RNF213: variants seen among roughly 807,000 people sequenced by gnomAD.
RNF213 encodes E3 ubiquitin-protein ligase RNF213.
RNF213 carries 341 observed loss-of-function variants against 514.4 expected under a neutral mutation model. The observed-to-expected ratio is 0.66, with a 90% confidence interval of 0.61 to 0.73. The LOEUF (loss-of-function observed/expected upper bound fraction) is 0.73, where lower values mean the gene tolerates loss of function less well. Among genes scored for constraint, RNF213 ranks in the 30% least tolerant of loss-of-function variants. The probability of loss-of-function intolerance (pLI) is 0.00; values close to 1 mark genes in which losing one functional copy is unlikely to be tolerated. For missense variants in RNF213, 5,767 were observed against 6,615.6 expected, an observed-to-expected ratio of 0.87 and a Z score of 4.45; for synonymous variants, 2,655 against 2,658.2, an observed-to-expected ratio of 1.00 and a Z score of 0.04.
chr17:80,297,769 AGAGT>A (rs1400172817), intron 10 of RNF213, among the ~76,000 whole-genome samples: 1 of 144,106 alleles, frequency 6.9e-6, no homozygotes, highest in Non-Finnish European at 1.5e-5. Flanking sequence ...CCTGGGCAAC[AGAGT>A]GAGACTCCGT....
At chr17:80,330,209 C>T (rs2046375913) in intron 20 of RNF213, among the ~76,000 whole-genome samples, 2 of 152,192 alleles carry the variant, frequency 1.3e-5, no homozygotes, top group Admixed American at 6.5e-5. Context: ...GGGTTATTCA[C>T]CGTTTTGTTT....
rs755246125 is a variant in RNF213 at position 80,343,881 on chromosome 17, C to G, written c.6208C>G (p.Leu2070Val). Residue 2070 changes from leucine (L) to valine (V), a missense_variant, in exon 28 of 68, where the codon CTT (leucine) becomes GTT (valine). By Grantham distance (32) the Leu-to-Val change is conservative (BLOSUM62 1). Transcript: ENST00000582970. The surrounding 1 kb of genome is among the most constrained non-coding windows in gnomAD (Gnocchi z 4.3). The stretch of plus-strand genomic sequence containing the variant: ...GGTGCAGACTGGAATTTGGGTGTTT[C>G]TTTTCAAGCTCCTCATTTTACAATA... ...SSVQTGIWVF[L>V]FKLLILQYLM... is the part of the protein sequence containing the mutation. 69 of 1,614,130 alleles carry G rather than the reference C, an allele frequency of 4.3e-5. No individual in the cohort carries two copies. Among genetic ancestry groups the G allele is most frequent in the Non-Finnish European group, 5.7e-5 (67 of 1,180,002 alleles).
chr17:80,283,544 C>A (rs372981115), intron 3 of RNF213, among the ~76,000 whole-genome samples: 185 of 152,356 alleles, frequency 1.2e-3, no homozygotes, highest in African/African-American at 4.3e-3. Context: ...CTCCAGCCTC[C>A]CCGGGCTCTG....
At position 80,289,849 on chromosome 17, in the gene RNF213, C is replaced by T. The variant is rs778304542; in HGVS notation, c.1112+12C>T. 5.6e-6 allele frequency: 9 copies of T among 1,603,106 alleles called. No individual in the cohort carries two copies. Among genetic ancestry groups the T allele is most frequent in the Non-Finnish European group, 7.7e-6 (9 of 1,175,226 alleles). On this transcript the variant is annotated intron_variant, in intron 6 of 67. Coordinates refer to ENST00000582970, the MANE Select transcript of RNF213 (RefSeq NM_001256071.3). ...GAAGTGAAGGCAAGGTAGGGATGCC[C>T]CCGCAGGGGAGCAAAGGAGACCCTG...
intron 58 of RNF213, 45 bp from the exon 59 acceptor site, chr17:80,383,632 C>G: frequency 6.2e-7 from 1 of 1,608,476 alleles, no homozygotes; most frequent in South Asian, 1.1e-5. Context: ...CTGTTTGTAG[C>G]AATACCTCAC....
intron 24 of RNF213, 27 bp from the exon 25 acceptor site, chr17:80,337,806 G>C (rs1042579742): frequency 6.5e-7 from 1 of 1,536,318 alleles, no homozygotes; most frequent in African/African-American, 1.4e-5. Context: ...CCCCAAGAAA[G>C]TGACTTCTAA....
At chr17:80,386,949 C>A in intron 63 of RNF213, 58 bp downstream of exon 63, 1 of 1,508,202 alleles carries the variant, frequency 6.6e-7, no homozygotes, top group Non-Finnish European at 9.0e-7. Flanking sequence ...AACAAGCAGC[C>A]CTTGGTGTGT....
At chr17:80,269,335 G>A (rs2043721374) in intron 2 of RNF213, among the ~76,000 whole-genome samples, 2 of 152,100 alleles carry the variant, frequency 1.3e-5, no homozygotes, top group South Asian at 2.1e-4. Context: ...CCATCACACC[G>A]TCTATCCATC....
At chr17:80,354,654 C>A in intron 36 of RNF213, 78 bp downstream of exon 36, 1 of 1,543,030 alleles carries the variant, frequency 6.5e-7, no homozygotes, top group Non-Finnish European at 8.9e-7. Context: ...ATCCTCTCTC[C>A]ATCCGGGCCA....
intron 11 of RNF213, among the ~76,000 whole-genome samples, chr17:80,299,132 G>A (rs958601858): frequency 6.6e-6 from 1 of 152,178 alleles, no homozygotes; most frequent in African/African-American, 2.4e-5. Flanking sequence ...CAAATGATGT[G>A]TTATTTATTC....
intron 36 of RNF213, among the ~76,000 whole-genome samples, chr17:80,355,441 TCGGGGCTCACGGAGGAAGAGGGGTGACC>T (rs2078725330): frequency 4.3e-4 from 22 of 51,328 alleles, no homozygotes; most frequent in African/African-American, 1.1e-3. Flanking sequence ...TGGATGGGAA[TCGGGGCTCACGGAGGAAGAGGGGTGACC>T]GGGAATGGGG....
Position 80,368,033 on chromosome 17 carries a change from G to A in RNF213, c.12045G>A (p.Val4015=), listed in dbSNP as rs751742658. ...KDPVCLPCDH[V]HCLRCLRAWF... Reference sequence around the variant, plus strand: ...CCGTCTGTCTGCCCTGCGACCACGTGCACTGCCTGCGCTGCCTCAGGGCCT... The same window carrying A: ...CCGTCTGTCTGCCCTGCGACCACGTACACTGCCTGCGCTGCCTCAGGGCCT... Residue 4015 remains valine (V), a synonymous_variant, in exon 44 of 68, where the codon GTG becomes GTA. Transcript: ENST00000582970. 6.2e-7 allele frequency: 1 copy of A among 1,614,256 alleles called. No individual in the cohort carries two copies. Among genetic ancestry groups the A allele is most frequent in the Non-Finnish European group, 8.5e-7 (1 of 1,180,044 alleles).
intron 3 of RNF213, among the ~76,000 whole-genome samples, chr17:80,281,755 A>G (rs2044310687): frequency 6.6e-6 from 1 of 151,968 alleles, no homozygotes; most frequent in Non-Finnish European, 1.5e-5. Flanking sequence ...GGTCGGTTCC[A>G]GGACCGCGGA....
rs749366825 is a variant in RNF213 at position 80,386,139 on chromosome 17, G to A, written c.14540-111G>A. The stretch of plus-strand genomic sequence containing the variant: ...ATGAGATGGGGCAGAACCGAGACCC[G>A]GCTCCCGGCTGTGTGTGGAGCTGAT... On this transcript the variant is annotated intron_variant, in intron 61 of 67. Coordinates refer to ENST00000582970, the MANE Select transcript of RNF213 (RefSeq NM_001256071.3). 69 of 1,050,980 alleles carry A rather than the reference G, an allele frequency of 6.6e-5. No individual in the cohort carries two copies. In the Middle Eastern group the frequency reaches 1.8e-3, roughly 27 times the overall value. The allele number at this position is 1,050,980 out of a possible 1,614,324, so 65.1% of individuals were successfully genotyped here. A position where few individuals can be genotyped will look rare whatever the true frequency, so the allele number is the denominator to read the frequency against.
At position 80,337,832 on chromosome 17, in the gene RNF213, G is replaced by A; in HGVS notation, c.4669-1G>A. 2.0e-6 allele frequency: 3 copies of A among 1,536,976 alleles called. No homozygotes were observed. The highest frequency in any genetic ancestry group is 2.6e-6 in the Non-Finnish European group (3 of 1,146,662). On this transcript the variant is annotated splice_acceptor_variant, in intron 24 of 67. Transcript: ENST00000582970. LOFTEE classifies it high-confidence loss of function. The stretch of plus-strand genomic sequence containing the variant: ...TGACTTCTAACCTATGCTCTTCACA[G>A]ATTTCCCCAGACACGGTTCTGCACT...
At chr17:80,385,958 G>A (rs1285214332) in intron 61 of RNF213, among the ~76,000 whole-genome samples, 2 of 152,154 alleles carry the variant, frequency 1.3e-5, no homozygotes, top group Admixed American at 6.5e-5. Context: ...GAGCCACTGC[G>A]CCCAGCCAGC....
chr17:80,382,100 C>T lies in RNF213; in HGVS notation c.13978+373C>T, dbSNP rs139039955. 4.1e-3 allele frequency: 1,254 copies of T among 302,178 alleles called. 21 individuals carry two copies. Among genetic ancestry groups the T allele is most frequent in the Admixed American group, 0.02 (438 of 22,132 alleles). The allele number at this position is 302,178 out of a possible 1,614,324, so 18.7% of individuals were successfully genotyped here. On this transcript the variant is annotated intron_variant, in intron 57 of 67. Coordinates refer to ENST00000582970, the MANE Select transcript of RNF213 (RefSeq NM_001256071.3). ...CCCCTACCATGCTGGGAGCACGTGT[C>T]GTCCACACAGAGCGTGCGTGTCAAA... is the stretch of plus-strand genomic sequence containing the variant.
At chr17:80,274,788 GA>G (rs1567997953) in intron 3 of RNF213, among the ~76,000 whole-genome samples, 1 of 13,372 alleles carries the variant, frequency 7.5e-5, no homozygotes, top group East Asian at 6.6e-3. Flanking sequence ...GTCTGTGGGG[GA>G]TGAGTGGGGT....
At chr17:80,269,289 A>C (rs1031657120) in intron 2 of RNF213, among the ~76,000 whole-genome samples, 3 of 152,146 alleles carry the variant, frequency 2.0e-5, no homozygotes, top group African/African-American at 7.2e-5. Flanking sequence ...CTACCTAGGC[A>C]TCCTTCAACC....
Sources: gnomAD v4.1 joint callset for allele counts (sites outside exome capture counted in the v4.1 genomes callset) on GRCh38, gnomAD v4.1.1 for gene constraint, Gnocchi (gnomAD v3.1) non-coding constraint, MANE v1.5 for transcripts, NCBI Gene and HGNC (gene_info 2026-07-23, HGNC 2026-07-21) for gene names.